The following TMEM164 variants were observed in gnomAD, a reference collection of about 807,000 sequenced individuals.
TMEM164 encodes the protein transmembrane protein 164, also known as RP13-360B22.2.
In TMEM164, 4 loss-of-function variants were observed where a neutral mutation model predicts 18.8. That is an observed-to-expected ratio of 0.21 (90% CI 0.10 to 0.49). TMEM164 has a LOEUF of 0.49. Among genes scored for constraint, TMEM164 ranks in the 20% least tolerant of loss-of-function variants. TMEM164 has a pLI of 0.98. For missense variants in TMEM164, 108 were observed against 239.9 expected (o/e 0.45, Z 3.63); for synonymous variants, 86 against 101.7 (o/e 0.85, Z 0.93).
chrX:110,046,076 A>G, intron 2 of TMEM164: 1 of 754,716 alleles, frequency 1.3e-6, no homozygotes, highest in Non-Finnish European at 1.6e-6. Context: ...GGTTGAGTCA[A>G]CAACAGTTGG....
At chrX:110,050,603 G>C (rs1602532059) in intron 2 of TMEM164, among the ~76,000 whole-genome samples, 2 of 111,558 alleles carry the variant, frequency 1.8e-5, no homozygotes, top group South Asian at 7.6e-4. Context: ...TTCCCTGGTT[G>C]GGAACAAAAC....
At chrX:110,028,663 C>G (rs1281789595) in intron 2 of TMEM164, among the ~76,000 whole-genome samples, 1 of 111,625 alleles carries the variant, frequency 9.0e-6, no homozygotes, top group Non-Finnish European at 1.9e-5. Flanking sequence ...CTTTTTGTTG[C>G]TGATTTCTAA....
intron 3 of TMEM164, among the ~76,000 whole-genome samples, chrX:110,108,142 A>T (rs73636942): frequency 1.2e-5 from 1 of 85,474 alleles, no homozygotes; most frequent in African/African-American, 4.8e-5. Context: ...GATTGACATC[A>T]ACCCCCATCT....
At chrX:110,077,999 C>A (rs962557885) in intron 3 of TMEM164, among the ~76,000 whole-genome samples, 6 of 111,860 alleles carry the variant, frequency 5.4e-5, no homozygotes, top group Non-Finnish European at 1.1e-4. Flanking sequence ...TGCATGTTGT[C>A]TTCTCTAACA....
intron 2 of TMEM164, among the ~76,000 whole-genome samples, chrX:110,024,234 A>G (rs764855788): frequency 1.8e-5 from 2 of 111,102 alleles, no homozygotes; most frequent in African/African-American, 6.5e-5. Flanking sequence ...TTTTCTTTTC[A>G]GTGAGCTTCT....
intron 3 of TMEM164, among the ~76,000 whole-genome samples, chrX:110,084,382 A>ATAG (rs1569320863): frequency 3.4e-5 from 1 of 29,317 alleles, no homozygotes; most frequent in East Asian, 7.2e-3. Flanking sequence ...TATATAGTGT[A>ATAG]TATATATATA....
At chrX:110,079,866 A>G (rs749659368) in intron 3 of TMEM164, among the ~76,000 whole-genome samples, 3 of 108,680 alleles carry the variant, frequency 2.8e-5, no homozygotes, top group Non-Finnish European at 5.7e-5. Flanking sequence ...GCATTAGGAG[A>G]TATACCTAAT....
At chrX:110,006,398 C>A (rs762846054) in intron 2 of TMEM164, among the ~76,000 whole-genome samples, 2 of 110,640 alleles carry the variant, frequency 1.8e-5, no homozygotes, top group African/African-American at 6.6e-5. Context: ...AGAGCCATGC[C>A]GAGGAGTTCT....
chrX:110,166,397 G>A (rs1178408814), intron 5 of TMEM164, among the ~76,000 whole-genome samples: 1 of 112,531 alleles, frequency 8.9e-6, no homozygotes, highest in African/African-American at 3.2e-5. Flanking sequence ...TCCACTGTCT[G>A]GCATGGAGTC....
At chrX:110,100,049 T>A (rs1029291662) in intron 3 of TMEM164, among the ~76,000 whole-genome samples, 2 of 112,462 alleles carry the variant, frequency 1.8e-5, no homozygotes, top group African/African-American at 6.5e-5. Flanking sequence ...TCGCATCCTG[T>A]GACCTTTAAA....
At chrX:110,178,496 T>TG (rs752841841), downstream of TMEM164, among the ~76,000 whole-genome samples, 62 of 111,786 alleles carry the variant, frequency 5.5e-4, no homozygotes, top group African/African-American at 1.9e-3. Flanking sequence ...GGAAGAGAGC[T>TG]GAAAAAGACA....
At chrX:110,030,006 TTAGAAATA>T (rs1347753395) in intron 2 of TMEM164, among the ~76,000 whole-genome samples, 4 of 109,842 alleles carry the variant, frequency 3.6e-5, no homozygotes, top group South Asian at 3.9e-4. Flanking sequence ...AATTAAGAAA[TTAGAAATA>T]TAGAAATATA....
At chrX:110,004,872 C>T (rs989231073) in intron 2 of TMEM164, among the ~76,000 whole-genome samples, 1 of 112,151 alleles carries the variant, frequency 8.9e-6, no homozygotes, top group Non-Finnish European at 1.9e-5. Context: ...TGGTCATAGT[C>T]CAAGGGTGCT....
At chrX:110,079,227 C>T (rs1259464238) in intron 3 of TMEM164, among the ~76,000 whole-genome samples, 1 of 111,756 alleles carries the variant, frequency 8.9e-6, no homozygotes, top group Non-Finnish European at 1.9e-5. Flanking sequence ...GAGCATTTTC[C>T]TGGTCAAGAA....
intron 2 of TMEM164, among the ~76,000 whole-genome samples, chrX:110,007,676 C>T (rs931007069): frequency 1.8e-5 from 2 of 112,228 alleles, no homozygotes; most frequent in African/African-American, 6.5e-5. Context: ...TAAAAATCTA[C>T]AGTTTCTCAG....
chrX:110,053,709 A>G (rs920367762), intron 2 of TMEM164, among the ~76,000 whole-genome samples: 1 of 111,324 alleles, frequency 9.0e-6, no homozygotes, highest in Non-Finnish European at 1.9e-5. Context: ...CTGTTACTTC[A>G]GAGTTTTCTT....
At position 110,176,075 on chromosome X, in the gene TMEM164, G is replaced by A; in HGVS notation, c.*2624G>A. 1.3e-6 allele frequency: 1 copy of A among 756,957 alleles called. No homozygotes were observed. The highest frequency in any genetic ancestry group is 1.6e-6 in the Non-Finnish European group (1 of 639,804). The allele number at this position is 756,957 out of a possible 1,213,427, so 62.4% of individuals were successfully genotyped here. ...CAGTGCCAAGCCAGTTCCCCAGCCA[G>A]GTTTCCGTGTGCCATTTGCCAGCGT... On this transcript the variant is annotated 3_prime_UTR_variant, in exon 7 of 7. Transcript: ENST00000372068.
At position 110,003,822 on chromosome X, in the gene TMEM164, C is replaced by T. The variant is rs753553078; in HGVS notation, c.48C>T (p.Gly16=). The T allele has an allele frequency of 5.0e-6, 6 of 1,210,395 alleles. No homozygotes were observed. The East Asian group carries it at 8.9e-5, about 18-fold the overall frequency. Residue 16 remains glycine (G), a synonymous_variant, in exon 2 of 7, where the codon GGC becomes GGT. Transcript: ENST00000372068. ...YQSLLDWLYG[G]VDPSFAGNGG... is the part of the protein sequence containing the mutation. ...GTCTCCTGGACTGGCTCTATGGGGGCGTGGACCCCAGTTTTGCAGGCAATG... is the reference window on the plus strand; with the variant it reads ...GTCTCCTGGACTGGCTCTATGGGGGTGTGGACCCCAGTTTTGCAGGCAATG...
downstream of TMEM164, among the ~76,000 whole-genome samples, chrX:110,182,979 A>G (rs142833000): frequency 8.0e-5 from 9 of 112,321 alleles, no homozygotes; most frequent in East Asian, 2.5e-3. Flanking sequence ...TTAGCAAGAC[A>G]TGATCAGCCT....
Sources: allele counts gnomAD v4.1 joint callset (sites outside exome capture counted in the v4.1 genomes callset), GRCh38; gene constraint gnomAD v4.1.1; transcripts MANE v1.5; gene names NCBI Gene and HGNC (gene_info 2026-07-23, HGNC 2026-07-21).